The following PTPN11 variants were observed in gnomAD, a reference collection of about 807,000 sequenced individuals.
PTPN11 encodes the protein tyrosine-protein phosphatase non-receptor type 11.
In PTPN11, 6 loss-of-function variants were observed where a neutral mutation model predicts 78.8. That is an observed-to-expected ratio of 0.08 (90% CI 0.04 to 0.15). PTPN11 has a LOEUF of 0.15. Among genes scored for constraint, PTPN11 ranks in the 10% least tolerant of loss-of-function variants. The probability of loss-of-function intolerance (pLI) is 1.00; values close to 1 mark genes in which losing one functional copy is unlikely to be tolerated. For missense variants in PTPN11, 386 were observed against 744.8 expected (o/e 0.52, Z 5.61); for synonymous variants, 221 against 263.5 (o/e 0.84, Z 1.56).
intron 10 of PTPN11, among the ~76,000 whole-genome samples, chr12:112,485,194 C>T (rs1302619845): frequency 6.6e-6 from 1 of 152,012 alleles, no homozygotes; most frequent in Non-Finnish European, 1.5e-5. Context: ...GCGTAGGTTG[C>T]AGTGAGCTGT....
At chr12:112,451,085 G>A (rs1025215769) in intron 3 of PTPN11, among the ~76,000 whole-genome samples, 1 of 152,168 alleles carries the variant, frequency 6.6e-6, no homozygotes, top group African/African-American at 2.4e-5. Context: ...TGAAAGCATG[G>A]GCTTGACTTA....
chr12:112,470,702 G>A (rs1281534601), intron 6 of PTPN11, among the ~76,000 whole-genome samples: 4 of 152,056 alleles, frequency 2.6e-5, no homozygotes, highest in Non-Finnish European at 5.9e-5. Flanking sequence ...ATGAAGGCCC[G>A]AATGCTTTCC....
intron 1 of PTPN11, among the ~76,000 whole-genome samples, chr12:112,421,789 G>T (rs1019574359): frequency 2.0e-5 from 3 of 152,012 alleles, no homozygotes; most frequent in African/African-American, 7.2e-5. Flanking sequence ...ACCACACCCG[G>T]CTAATTTTTG....
chr12:112,488,058 A>G (rs1198202128), intron 11 of PTPN11, among the ~76,000 whole-genome samples: 2 of 152,152 alleles, frequency 1.3e-5, no homozygotes, highest in Middle Eastern at 3.2e-3. Context: ...TGCTGGTATT[A>G]TAGGTGAGAG....
chr12:112,431,708 C>T (rs1248697542), intron 1 of PTPN11, among the ~76,000 whole-genome samples: 1 of 152,142 alleles, frequency 6.6e-6, no homozygotes, highest in Non-Finnish European at 1.5e-5. Context: ...TAAACGTTTT[C>T]TTCTGGATAA....
rs1437717572 is a variant in PTPN11 at position 112,458,910 on chromosome 12, A to G, written c.756+2847A>G. ...TAGCTGGGTGTGGGGGTGCGCACCC[A>G]CAGTCCCAGCTACTCTGGGGGTTGA... On this transcript the variant is annotated intron_variant, in intron 6 of 15. Coordinates refer to ENST00000351677, the MANE Select transcript of PTPN11 (RefSeq NM_002834.5). Among the ~76,000 whole-genome samples the G allele has an allele frequency of 2.0e-5, 3 of 152,046 alleles. No homozygotes were observed. The East Asian group carries it at 5.8e-4, about 29-fold the overall frequency.
chr12:112,441,529 C>T (rs1270522421), intron 1 of PTPN11, among the ~76,000 whole-genome samples: 1 of 152,158 alleles, frequency 6.6e-6, no homozygotes, highest in African/African-American at 2.4e-5. Flanking sequence ...TCCCAAAGTG[C>T]TGGGATTACA....
chr12:112,432,626 G>C (rs2135836887), intron 1 of PTPN11, among the ~76,000 whole-genome samples: 1 of 145,964 alleles, frequency 6.9e-6, no homozygotes, highest in Non-Finnish European at 1.5e-5. Context: ...GTGAGATTGG[G>C]CCACTGCACT....
At chr12:112,431,698 T>C (rs962072091) in intron 1 of PTPN11, among the ~76,000 whole-genome samples, 2 of 152,208 alleles carry the variant, frequency 1.3e-5, no homozygotes, top group African/African-American at 4.8e-5. Flanking sequence ...GACTTTTTTC[T>C]AAACGTTTTC....
chr12:112,464,015 AG>A (rs979030313), intron 6 of PTPN11, among the ~76,000 whole-genome samples: 72 of 152,354 alleles, frequency 4.7e-4, no homozygotes, highest in African/African-American at 1.7e-3. Flanking sequence ...GATCCACAAT[AG>A]CAAAGCATTA....
chr12:112,441,465 T>A (rs2037889077), intron 1 of PTPN11, among the ~76,000 whole-genome samples: 1 of 146,190 alleles, frequency 6.8e-6, no homozygotes, highest in Non-Finnish European at 1.5e-5. Context: ...GTTTTGCCAT[T>A]TTGCCCAGGC....
chr12:112,442,091 G>A (rs562432025), intron 1 of PTPN11, among the ~76,000 whole-genome samples: 2 of 152,204 alleles, frequency 1.3e-5, no homozygotes, highest in Admixed American at 1.3e-4. Context: ...ATATCTTTTT[G>A]CTGGTAACTA....
At chr12:112,470,000 C>T (rs1259170000) in intron 6 of PTPN11, among the ~76,000 whole-genome samples, 1 of 152,102 alleles carries the variant, frequency 6.6e-6, no homozygotes, top group Non-Finnish European at 1.5e-5. Flanking sequence ...TGGTTCCCTG[C>T]AGCCTTGACC....
At chr12:112,460,712 C>A (rs1291422737) in intron 6 of PTPN11, among the ~76,000 whole-genome samples, 1 of 152,030 alleles carries the variant, frequency 6.6e-6, no homozygotes, top group Non-Finnish European at 1.5e-5. Flanking sequence ...CGTGGTAGTG[C>A]GTGCCTGTAG....
At chr12:112,443,950 G>A (rs548808296) in intron 1 of PTPN11, among the ~76,000 whole-genome samples, 9 of 151,914 alleles carry the variant, frequency 5.9e-5, no homozygotes, top group Admixed American at 2.0e-4. Context: ...CACTGCGCCT[G>A]GCCCTAATTT....
intron 3 of PTPN11, among the ~76,000 whole-genome samples, chr12:112,452,682 C>G (rs1417488377): frequency 3.9e-5 from 6 of 152,104 alleles, no homozygotes; most frequent in African/African-American, 1.4e-4. Flanking sequence ...CAGTTGCCAC[C>G]ATGCCAGGCT....
chr12:112,492,539 A>G (rs149417724), intron 13 of PTPN11, among the ~76,000 whole-genome samples: 1 of 148,280 alleles, frequency 6.7e-6, no homozygotes, highest in Non-Finnish European at 1.5e-5. Context: ...TTTTTTTGAG[A>G]TGGAGTCTCG....
intron 1 of PTPN11, among the ~76,000 whole-genome samples, chr12:112,439,792 AAAAC>A (rs1378644908): frequency 7.2e-6 from 1 of 139,052 alleles, no homozygotes; most frequent in Non-Finnish European, 1.5e-5. Flanking sequence ...TTTAAAAAAA[AAAAC>A]AAAAACAAAA....
chr12:112,472,882 G>C, intron 6 of PTPN11, 62 bp from the exon 7 acceptor site: 1 of 1,282,770 alleles, frequency 7.8e-7, no homozygotes, highest in Admixed American at 1.7e-5. Flanking sequence ...TGCTGATCCA[G>C]GCTTTTTTCT....
Sources: allele counts gnomAD v4.1 joint callset (sites outside exome capture counted in the v4.1 genomes callset), GRCh38; gene constraint gnomAD v4.1.1; transcripts MANE v1.5; gene names NCBI Gene and HGNC (gene_info 2026-07-23, HGNC 2026-07-21).